RMP64: variants seen among roughly 807,000 people sequenced by gnomAD.
The protein encoded by RMP64 is ribonuclease MRP subunit p64.
At chr3:113,003,659 C>G in the RMP64 span, 1 of 152,112 alleles carries the variant, frequency 6.6e-6, no homozygotes. Flanking sequence ...GACTGGCAGC[C>G]CAGTCCATGC....
chr3:113,011,464 T>C, the RMP64 span: 2 of 1,420,424 alleles, frequency 1.4e-6, no homozygotes, highest in Non-Finnish European at 1.9e-6. Context: ...GCAGATTACA[T>C]AATAAACTGC....
At chr3:113,014,034 T>G in the RMP64 span, 1 of 1,605,182 alleles carries the variant, frequency 6.2e-7, no homozygotes. Flanking sequence ...TTGCTCAACC[T>G]GAAAGAAGAA....
the RMP64 span, chr3:113,005,718 TC>T: frequency 6.2e-7 from 1 of 1,614,086 alleles, no homozygotes; most frequent in Non-Finnish European, 8.5e-7. Flanking sequence ...ACTCCACTAT[TC>T]AAGAGCTGCT....
At chr3:113,006,061 G>T in the RMP64 span, 1 of 1,211,398 alleles carries the variant, frequency 8.3e-7, no homozygotes, top group Non-Finnish European at 1.2e-6. Context: ...ACATTCTCAA[G>T]CACTTTTAAT....
chr3:113,019,150 T>G, the RMP64 span: 670 of 220,258 alleles, frequency 3.0e-3, 7 homozygotes, highest in African/African-American at 0.015. Context: ...GCTCCTCGGG[T>G]ACAGGAAAAA....
chr3:113,013,217 A>T, the RMP64 span: 1 of 1,585,154 alleles, frequency 6.3e-7, no homozygotes, highest in Non-Finnish European at 8.6e-7. Context: ...ACTGTTAAAA[A>T]TATCCAAACA....
the RMP64 span, among the ~76,000 whole-genome samples, chr3:113,016,002 T>C: frequency 6.6e-6 from 1 of 152,124 alleles, no homozygotes; most frequent in Admixed American, 6.5e-5. Flanking sequence ...GCAGACATGG[T>C]GAGGCTGGGC....
the RMP64 span, among the ~76,000 whole-genome samples, chr3:113,018,786 C>G: frequency 6.6e-6 from 1 of 152,194 alleles, no homozygotes; most frequent in South Asian, 2.1e-4. Flanking sequence ...TTCATCCCCC[C>G]AAACAGCCCT....
chr3:113,015,172 G>A, the RMP64 span: 1 of 152,092 alleles, frequency 6.6e-6, no homozygotes, highest in African/African-American at 2.4e-5. Context: ...TGTTATTCCT[G>A]AGGACTACAG....
At chr3:113,014,177 G>A in the RMP64 span, 1 of 579,880 alleles carries the variant, frequency 1.7e-6, no homozygotes, top group South Asian at 2.2e-5. Flanking sequence ...TTTCAGGGTA[G>A]AGAAATCCAA....
At chr3:113,004,347 T>G in the RMP64 span, 4 of 152,280 alleles carry the variant, frequency 2.6e-5, no homozygotes, top group Admixed American at 2.0e-4. Context: ...TCTGCATCTT[T>G]TAGCAACCCA....
chr3:113,006,114 T>C, the RMP64 span: 1 of 746,662 alleles, frequency 1.3e-6, no homozygotes, highest in Non-Finnish European at 2.2e-6. Flanking sequence ...CTACAAGTCC[T>C]ATGCCTGTGT....
At chr3:113,013,470 T>A in the RMP64 span, 11 of 1,386,940 alleles carry the variant, frequency 7.9e-6, 1 homozygote, top group Admixed American at 6.8e-5. Context: ...TTGTTTTTTT[T>A]TTTTTTACAT....
At chr3:113,016,255 C>T in the RMP64 span, among the ~76,000 whole-genome samples, 1 of 152,168 alleles carries the variant, frequency 6.6e-6, no homozygotes, top group Middle Eastern at 3.4e-3. Flanking sequence ...AGATGATTAA[C>T]CTGGTTTTAA....
At chr3:113,004,366 T>A in the RMP64 span, 1 of 152,154 alleles carries the variant, frequency 6.6e-6, no homozygotes, top group Admixed American at 6.5e-5. Flanking sequence ...CACCAGGTGA[T>A]TCTCAAAAAG....
At chr3:113,005,746 A>C in the RMP64 span, 1 of 1,613,876 alleles carries the variant, frequency 6.2e-7, no homozygotes, top group Admixed American at 1.7e-5. Flanking sequence ...TAGGGTAGAG[A>C]TCAGTTCTAT....
At chr3:113,011,412 G>T in the RMP64 span, 1 of 1,548,626 alleles carries the variant, frequency 6.5e-7, no homozygotes, top group Non-Finnish European at 8.7e-7. Context: ...GAACCCTAGA[G>T]AAAGAAATAG....
chr3:113,012,024 G>C, the RMP64 span, among the ~76,000 whole-genome samples: 9 of 152,018 alleles, frequency 5.9e-5, no homozygotes, highest in Admixed American at 3.9e-4. Context: ...ATTCATATTA[G>C]AACTAATAAT....
At chr3:113,007,468 T>C in the RMP64 span, among the ~76,000 whole-genome samples, 1 of 152,116 alleles carries the variant, frequency 6.6e-6, no homozygotes, top group Non-Finnish European at 1.5e-5. Flanking sequence ...TGTTAAAGAA[T>C]ACAATAAAAA....
Sources: gnomAD v4.1 joint callset for allele counts (sites outside exome capture counted in the v4.1 genomes callset) on GRCh38, gnomAD v4.1.1 for gene constraint, MANE v1.5 for transcripts, NCBI Gene and HGNC (gene_info 2026-07-23, HGNC 2026-07-21) for gene names.